The following SLA variants were observed in gnomAD, a reference collection of about 807,000 sequenced individuals.
SLA encodes Src like adaptor.
A neutral mutation model predicts 30.3 loss-of-function variants in SLA; 16 were observed. The observed-to-expected ratio is 0.53, with a 90% CI of 0.36 to 0.80. The LOEUF (loss-of-function observed/expected upper bound fraction) is 0.80, where lower values mean the gene tolerates loss of function less well. SLA is among the 30% of genes least tolerant of loss of function. The probability of loss-of-function intolerance (pLI) is 0.01; values close to 1 mark genes in which losing one functional copy is unlikely to be tolerated. For synonymous variants in SLA, 143 were observed against 137.8 expected (o/e 1.04, Z -0.26); for missense variants, 310 against 345.2 (o/e 0.90, Z 0.81).
In SLA at chr8:133,087,650, A is replaced by T. The variant is rs559078491; in HGVS notation, c.-318-12520T>A. 19 of 152,384 alleles carry T rather than the reference A, an allele frequency of 1.2e-4. 1 individual carries two copies. The highest frequency in any genetic ancestry group is 1.0e-3 in the South Asian group (5 of 4,830). 9.4% of individuals were successfully genotyped at this position (152,384 alleles called of 1,614,324 possible). On this transcript the variant is annotated intron_variant, in intron 1 of 8. Transcript: ENST00000338087. Reference sequence around the variant, plus strand: ...CTAATTAAAAATGTAACATTAATTCATTGGAGACAAGTTAGAATAGTCTAA... The same window carrying T: ...CTAATTAAAAATGTAACATTAATTCTTTGGAGACAAGTTAGAATAGTCTAA...
intron 2 of SLA, among the ~76,000 whole-genome samples, chr8:133,064,924 GA>G (rs1331610399): frequency 1.3e-5 from 2 of 152,132 alleles, no homozygotes; most frequent in Admixed American, 6.5e-5. Context: ...GAGACAAATT[GA>G]GGAAGTCCAA....
At chr8:133,052,489 C>T (rs1840599067) in intron 3 of SLA, among the ~76,000 whole-genome samples, 2 of 152,162 alleles carry the variant, frequency 1.3e-5, no homozygotes, top group Admixed American at 1.3e-4. Flanking sequence ...CCCAGCCAGA[C>T]CTCTGACCTG....
chr8:133,056,569 C>T (rs1002879284), intron 3 of SLA, among the ~76,000 whole-genome samples: 3 of 152,150 alleles, frequency 2.0e-5, no homozygotes, highest in African/African-American at 7.2e-5. Context: ...GCTTTGAATC[C>T]CAGCTGTCTC....
intron 2 of SLA, among the ~76,000 whole-genome samples, chr8:133,073,706 T>C (rs1358626140): frequency 2.0e-5 from 3 of 152,082 alleles, no homozygotes; most frequent in Non-Finnish European, 4.4e-5. Flanking sequence ...ATGGGGTGCA[T>C]TTTTTCCTAA....
chr8:133,094,492 A>G (rs1358948300), intron 1 of SLA: 2 of 180,508 alleles, frequency 1.1e-5, no homozygotes, highest in African/African-American at 2.4e-5. Context: ...CGCCCACCTC[A>G]GCCTCCCAAA....
chr8:133,079,932 G>T (rs1185129438), intron 1 of SLA, among the ~76,000 whole-genome samples: 1 of 151,202 alleles, frequency 6.6e-6, no homozygotes, highest in Non-Finnish European at 1.5e-5. Flanking sequence ...GTAAAGTTTT[G>T]CCCCCTCTAT....
chr8:133,052,931 A>T (rs1264977241), intron 3 of SLA, among the ~76,000 whole-genome samples: 1 of 152,082 alleles, frequency 6.6e-6, no homozygotes, highest in Non-Finnish European at 1.5e-5. Flanking sequence ...GAGGTTGAAA[A>T]ACACCTTCAA....
rs138918579 is a variant in SLA at position 133,090,242 on chromosome 8, G to A, written c.-319+12311C>T. On this transcript the variant is annotated intron_variant, in intron 1 of 8. Coordinates refer to ENST00000338087, the MANE Select transcript of SLA (RefSeq NM_001045556.3). ...TAGTCACGTTTCTAGAGGCCCAGTG[G>A]TCTGGTGAGGGCTTAGAAGTCACAC... The A allele has an allele frequency of 7.8e-4, 119 of 152,360 alleles. 1 individual carries two copies. The highest frequency in any genetic ancestry group is 2.7e-3 in the African/African-American group (112 of 41,578). 9.4% of individuals were successfully genotyped at this position (152,360 alleles called of 1,614,324 possible). A position where few individuals can be genotyped will look rare whatever the true frequency, so the allele number is the denominator to read the frequency against.
intron 1 of SLA, chr8:133,096,460 T>A: frequency 6.6e-7 from 1 of 1,516,158 alleles, no homozygotes; most frequent in Non-Finnish European, 9.1e-7. Context: ...CAAGAGATAT[T>A]GACCAATTGC....
intron 6 of SLA, among the ~76,000 whole-genome samples, chr8:133,045,594 T>C (rs1839214109): frequency 6.6e-6 from 1 of 151,934 alleles, no homozygotes; most frequent in African/African-American, 2.4e-5. Flanking sequence ...GCAGTGTTGC[T>C]ACATTGCCCA....
intron 1 of SLA, among the ~76,000 whole-genome samples, chr8:133,091,995 G>C (rs572537184): frequency 3.3e-5 from 5 of 152,152 alleles, no homozygotes; most frequent in Non-Finnish European, 7.4e-5. Context: ...GTCAGTGTCT[G>C]TGTGTGTCCT....
At chr8:133,089,777 C>T (rs774704268) in intron 1 of SLA, among the ~76,000 whole-genome samples, 18 of 152,172 alleles carry the variant, frequency 1.2e-4, no homozygotes, top group Non-Finnish European at 2.5e-4. Flanking sequence ...CTGTCTATAA[C>T]TCCCTTGGGT....
chr8:133,092,026 C>T (rs972212151), intron 1 of SLA, among the ~76,000 whole-genome samples: 1 of 152,092 alleles, frequency 6.6e-6, no homozygotes. Flanking sequence ...AGACAAACTC[C>T]AAGTCTCCTG....
intron 1 of SLA, among the ~76,000 whole-genome samples, chr8:133,081,604 G>A (rs779691169): frequency 2.0e-4 from 31 of 152,062 alleles, no homozygotes; most frequent in Non-Finnish European, 4.0e-4. Flanking sequence ...AAAAGTAGCC[G>A]CTTTATGTCC....
intron 3 of SLA, among the ~76,000 whole-genome samples, chr8:133,053,735 C>T (rs1187288755): frequency 6.6e-6 from 1 of 152,144 alleles, no homozygotes; most frequent in African/African-American, 2.4e-5. Context: ...AGCAAAATCC[C>T]ATTATAAAAA....
chr8:133,096,396 A>G (rs368965583), intron 1 of SLA: 20 of 1,613,860 alleles, frequency 1.2e-5, no homozygotes, highest in Non-Finnish European at 1.6e-5. Flanking sequence ...GGGGCCTCGG[A>G]TGTCTCCAGC....
At chr8:133,065,897 C>G (rs988470391) in intron 2 of SLA, among the ~76,000 whole-genome samples, 8 of 152,126 alleles carry the variant, frequency 5.3e-5, no homozygotes, top group African/African-American at 1.9e-4. Flanking sequence ...TTGGATGTCA[C>G]TTGGCAGTGT....
At chr8:133,047,668 A>G (rs1210642033) in intron 6 of SLA, 162 bp downstream of exon 6, 4 of 643,038 alleles carry the variant, frequency 6.2e-6, no homozygotes, top group Non-Finnish European at 8.6e-6. Flanking sequence ...TTGCTTCCCC[A>G]CTGGCCTCCC....
intron 2 of SLA, among the ~76,000 whole-genome samples, chr8:133,061,345 C>T (rs549494894): frequency 6.6e-6 from 1 of 152,272 alleles, no homozygotes; most frequent in South Asian, 2.1e-4. Flanking sequence ...TTGGGGAACA[C>T]TAATTGAACA....
Sources: allele counts gnomAD v4.1 joint callset (sites outside exome capture counted in the v4.1 genomes callset), GRCh38; gene constraint gnomAD v4.1.1; transcripts MANE v1.5; gene names NCBI Gene and HGNC (gene_info 2026-07-23, HGNC 2026-07-21).